Variants in GMDS observed in about 807,000 individuals in gnomAD.
GMDS encodes GDP-mannose 4,6 dehydratase.
In GMDS, 20 loss-of-function variants were observed where a neutral mutation model predicts 49.9. That is an observed-to-expected ratio of 0.40 (90% CI 0.28 to 0.58). The LOEUF (loss-of-function observed/expected upper bound fraction) is 0.58. Ranked by LOEUF, GMDS falls within the 20% of genes least tolerant of loss-of-function variation. The pLI, the probability that GMDS is intolerant of heterozygous loss-of-function variation, is 0.42. For synonymous variants in GMDS, 177 were observed against 178.6 expected (o/e 0.99, Z 0.07); for missense variants, 362 against 481.4 (o/e 0.75, Z 2.32).
At chr6:2,207,760 C>A (rs371092813) in intron 1 of GMDS, among the ~76,000 whole-genome samples, 2 of 151,890 alleles carry the variant, frequency 1.3e-5, no homozygotes, top group African/African-American at 4.9e-5. Flanking sequence ...CCCTTCCCCT[C>A]TGGAAATTAC....
intron 1 of GMDS, among the ~76,000 whole-genome samples, chr6:2,130,179 G>T (rs1343442953): frequency 6.8e-6 from 1 of 146,942 alleles, no homozygotes; most frequent in East Asian, 1.9e-4. Flanking sequence ...CCAAAGTGAA[G>T]AACAAAAATA....
At chr6:1,653,626 G>GA (rs1763784159) in intron 9 of GMDS, among the ~76,000 whole-genome samples, 1 of 152,208 alleles carries the variant, frequency 6.6e-6, no homozygotes. Context: ...GGATGGAACA[G>GA]AAAACCCAGA....
chr6:1,881,180 C>T (rs965369852), intron 7 of GMDS, among the ~76,000 whole-genome samples: 6 of 151,982 alleles, frequency 3.9e-5, no homozygotes, highest in South Asian at 2.1e-4. Flanking sequence ...ATTTAAAAGA[C>T]CAAACACAAT....
chr6:2,185,408 T>C (rs1262217403), intron 1 of GMDS, among the ~76,000 whole-genome samples: 1 of 152,214 alleles, frequency 6.6e-6, no homozygotes, highest in African/African-American at 2.4e-5. Flanking sequence ...GTATTCTTTG[T>C]ATTGTACACC....
chr6:1,989,222 G>C (rs1765768246), intron 4 of GMDS, among the ~76,000 whole-genome samples: 1 of 152,216 alleles, frequency 6.6e-6, no homozygotes, highest in Non-Finnish European at 1.5e-5. Context: ...AAAAGAAGTA[G>C]ATAGGGCTAA....
intron 7 of GMDS, among the ~76,000 whole-genome samples, chr6:1,784,968 G>C (rs1163286023): frequency 6.6e-6 from 1 of 152,190 alleles, no homozygotes; most frequent in Non-Finnish European, 1.5e-5. Context: ...AAGTTACTTA[G>C]AGAATTTTCA....
At chr6:1,782,685 A>G (rs1769152128) in intron 7 of GMDS, among the ~76,000 whole-genome samples, 1 of 152,238 alleles carries the variant, frequency 6.6e-6, no homozygotes, top group Non-Finnish European at 1.5e-5. Context: ...GGAAGTTGTT[A>G]GGAAGGAATA....
At position 1,852,711 on chromosome 6, in the gene GMDS, AT is replaced by A. The variant is rs777786801; in HGVS notation, c.771+77391del. Among the ~76,000 whole-genome samples the A allele has an allele frequency of 4.7e-3, 676 of 142,478 alleles. 4 individuals carry two copies. Among genetic ancestry groups the A allele is most frequent in the Non-Finnish European group, 7.6e-3 (493 of 64,976 alleles). The allele number at this position is 142,478 out of a possible 152,430, so 93.5% of individuals were successfully genotyped here. On this transcript the variant is annotated intron_variant, in intron 7 of 10. Transcript: ENST00000380815. Reference sequence around the variant, plus strand: ...GAAGGACGGTGGGACGTGGGATCCGATTTTTTTTTTTCCCGAGATGGAGTTT... The same window carrying A: ...GAAGGACGGTGGGACGTGGGATCCGATTTTTTTTTTCCCGAGATGGAGTTT...
intron 7 of GMDS, among the ~76,000 whole-genome samples, chr6:1,756,128 T>C (rs1767931204): frequency 6.6e-6 from 1 of 152,138 alleles, no homozygotes; most frequent in African/African-American, 2.4e-5. Context: ...AACAATATAT[T>C]CCCCAATTAT....
intron 4 of GMDS, among the ~76,000 whole-genome samples, chr6:2,062,629 C>G (rs555003641): frequency 2.6e-5 from 4 of 152,234 alleles, no homozygotes; most frequent in African/African-American, 9.6e-5. Context: ...TTCCTTCATT[C>G]ATTCAAAAAA....
chr6:1,626,407 C>T (rs1263039256), intron 9 of GMDS, among the ~76,000 whole-genome samples: 2 of 152,150 alleles, frequency 1.3e-5, no homozygotes, highest in African/African-American at 2.4e-5. Context: ...TTTAACATAG[C>T]GCTACAAGGA....
intron 1 of GMDS, among the ~76,000 whole-genome samples, chr6:2,173,661 T>C (rs1201303034): frequency 6.6e-6 from 1 of 152,224 alleles, no homozygotes; most frequent in Non-Finnish European, 1.5e-5. Context: ...AATTCCCTGA[T>C]TGCTTATAAA....
At chr6:2,036,728 G>A (rs376268921) in intron 4 of GMDS, among the ~76,000 whole-genome samples, 5 of 152,230 alleles carry the variant, frequency 3.3e-5, no homozygotes, top group East Asian at 3.9e-4. Context: ...TTATCCTCAC[G>A]AAGCATATTC....
chr6:1,809,544 C>T (rs1030469514), intron 7 of GMDS, among the ~76,000 whole-genome samples: 2 of 152,224 alleles, frequency 1.3e-5, no homozygotes, highest in Middle Eastern at 3.4e-3. Flanking sequence ...GATTCTTTCT[C>T]GCCATTACTC....
At chr6:2,133,787 T>A (rs901537934) in intron 1 of GMDS, among the ~76,000 whole-genome samples, 4 of 152,192 alleles carry the variant, frequency 2.6e-5, no homozygotes, top group Admixed American at 6.5e-5. Flanking sequence ...AAGGTGCAGA[T>A]CATTAAACTA....
intron 1 of GMDS, among the ~76,000 whole-genome samples, chr6:2,138,094 A>C (rs761690143): frequency 1.3e-5 from 2 of 152,234 alleles, no homozygotes; most frequent in African/African-American, 4.8e-5. Context: ...TTTGAATTGA[A>C]TGTTCTTAAA....
intron 9 of GMDS, among the ~76,000 whole-genome samples, chr6:1,676,414 T>C (rs9800594): frequency 0.069 from 10,456 of 152,196 alleles, 399 homozygotes; most frequent in South Asian, 0.12. Context: ...ACTTTCTTCA[T>C]AGAATTGGAA....
At chr6:2,142,050 T>C (rs920690977) in intron 1 of GMDS, among the ~76,000 whole-genome samples, 2 of 152,196 alleles carry the variant, frequency 1.3e-5, no homozygotes, top group African/African-American at 4.8e-5. Context: ...GCACTTGTAT[T>C]TTCTTATACG....
At chr6:1,643,507 A>C (rs1763396412) in intron 9 of GMDS, among the ~76,000 whole-genome samples, 1 of 152,102 alleles carries the variant, frequency 6.6e-6, no homozygotes, top group South Asian at 2.1e-4. Flanking sequence ...CTTTTAGTAG[A>C]GTAGGATGTG....
Sources: allele counts gnomAD v4.1 joint callset (sites outside exome capture counted in the v4.1 genomes callset), GRCh38; gene constraint gnomAD v4.1.1; transcripts MANE v1.5; gene names NCBI Gene and HGNC (gene_info 2026-07-23, HGNC 2026-07-21).